The following PHKB variants were observed in gnomAD, a reference collection of about 807,000 sequenced individuals.
PHKB encodes the protein phosphorylase kinase regulatory subunit beta, also known as phosphorylase b kinase regulatory subunit beta.
In PHKB, 122 loss-of-function variants were observed where a neutral mutation model predicts 152.1. That is an observed-to-expected ratio of 0.80 (90% CI 0.69 to 0.93). PHKB has a LOEUF of 0.93. PHKB is among the 40% of genes least tolerant of loss of function. The pLI, the probability that PHKB is intolerant of heterozygous loss-of-function variation, is 0.00. For synonymous variants in PHKB, 436 were observed against 464.9 expected (o/e 0.94, Z 0.80); for missense variants, 1,304 against 1,328.4 (o/e 0.98, Z 0.29).
intron 7 of PHKB, among the ~76,000 whole-genome samples, chr16:47,569,605 A>C (rs1250087647): frequency 6.6e-6 from 1 of 151,996 alleles, no homozygotes; most frequent in Non-Finnish European, 1.5e-5. Context: ...AAGCCCTTTC[A>C]TTTATGTATG....
intron 9 of PHKB, among the ~76,000 whole-genome samples, chr16:47,588,604 A>G (rs1167646456): frequency 6.6e-6 from 1 of 152,138 alleles, no homozygotes; most frequent in East Asian, 1.9e-4. Context: ...TTTCATTATT[A>G]TAAGCAAATT....
chr16:47,527,073 A>G (rs757601737), intron 6 of PHKB, among the ~76,000 whole-genome samples: 1 of 152,258 alleles, frequency 6.6e-6, no homozygotes, highest in Non-Finnish European at 1.5e-5. Flanking sequence ...GGAAAGCACT[A>G]AGGGGATGGT....
Position 47,580,322 on chromosome 16 carries a change from A to G in PHKB, c.738A>G (p.Leu246=). The G allele has an allele frequency of 6.2e-7, 1 of 1,613,020 alleles. No homozygotes were observed. The highest frequency in any genetic ancestry group is 1.1e-5 in the South Asian group (1 of 91,046). Reference sequence around the variant, plus strand: ...CGGTTGGTTTAGCAAAAGCAGCTCTAGAAGCAATTAATGGATTCAACCTTT... The same window carrying G: ...CGGTTGGTTTAGCAAAAGCAGCTCTGGAAGCAATTAATGGATTCAACCTTT... ...SSSVGLAKAA[L]EAINGFNLFG... is the part of the protein sequence containing the mutation. The change falls in exon 8 of 31, where the codon CTA becomes CTG. Residue 246 remains leucine (L), a synonymous_variant. Transcript: ENST00000323584.
intron 20 of PHKB, among the ~76,000 whole-genome samples, chr16:47,659,879 T>C (rs551101119): frequency 6.6e-6 from 1 of 152,354 alleles, no homozygotes; most frequent in Admixed American, 6.5e-5. Flanking sequence ...TTTATTTATT[T>C]TTTGAGACGG....
chr16:47,660,966 G>A (rs1181291447), intron 22 of PHKB, 147 bp downstream of exon 22: 1 of 799,658 alleles, frequency 1.3e-6, no homozygotes, highest in East Asian at 2.6e-5. Context: ...GGGCAATCAT[G>A]AGAAGTTGTT....
At chr16:47,540,469 C>G (rs1328036828) in intron 6 of PHKB, among the ~76,000 whole-genome samples, 1 of 152,082 alleles carries the variant, frequency 6.6e-6, no homozygotes, top group African/African-American at 2.4e-5. Flanking sequence ...ACTCCCTGTT[C>G]TTGCACCACC....
At chr16:47,615,147 C>G (rs1364913521) in intron 14 of PHKB, among the ~76,000 whole-genome samples, 1 of 152,176 alleles carries the variant, frequency 6.6e-6, no homozygotes, top group Non-Finnish European at 1.5e-5. Context: ...TGTCCTAAGT[C>G]TCCTTATGCC....
Position 47,699,442 on chromosome 16 carries a change from G to C in PHKB, c.*76G>C, listed in dbSNP as rs879127649. The C allele has an allele frequency of 1.8e-5, 28 of 1,557,412 alleles. No individual in the cohort carries two copies. The highest frequency in any genetic ancestry group is 1.4e-5 in the African/African-American group (1 of 73,918). On this transcript the variant is annotated 3_prime_UTR_variant, in exon 31 of 31. Transcript: ENST00000323584. ...TGTTTCATGTTCAAGCTTAATCAAG[G>C]CAGCCATTAATATACGAACTGAGCA...
At chr16:47,470,225 C>T (rs1204092743) in intron 1 of PHKB, among the ~76,000 whole-genome samples, 1 of 152,208 alleles carries the variant, frequency 6.6e-6, no homozygotes, top group Non-Finnish European at 1.5e-5. Flanking sequence ...TATTTATTCA[C>T]AGCAAGCCAG....
At chr16:47,566,936 G>T (rs947436206) in intron 7 of PHKB, 1 of 565,586 alleles carries the variant, frequency 1.8e-6, no homozygotes, top group Non-Finnish European at 3.2e-6. Context: ...TATTGTTGAG[G>T]CTGCCATGTT....
Position 47,689,401 on chromosome 16 carries a change from T to C in PHKB, c.2765+226T>C, listed in dbSNP as rs1373530063. 2.6e-5 allele frequency among the ~76,000 whole-genome samples: 4 copies of C among 152,338 alleles called. No homozygotes were observed. In the East Asian group the frequency reaches 7.7e-4, roughly 29 times the overall value. The stretch of plus-strand genomic sequence containing the variant: ...TGAATTTTATGCTTTTTTTCCAGTA[T>C]AGTTTATAAGCATTTCTTCATTTTT... On this transcript the variant is annotated intron_variant, in intron 27 of 30. Coordinates refer to ENST00000323584, the MANE Select transcript of PHKB (RefSeq NM_000293.3).
At chr16:47,582,531 T>TA (rs111981886) in intron 8 of PHKB, among the ~76,000 whole-genome samples, 94 of 152,178 alleles carry the variant, frequency 6.2e-4, no homozygotes, top group African/African-American at 2.1e-3. Flanking sequence ...TTTGAGGAAT[T>TA]AAAAAAAATA....
chr16:47,588,760 A>G (rs1285735851), intron 9 of PHKB, 145 bp from the exon 10 acceptor site: 15 of 715,386 alleles, frequency 2.1e-5, no homozygotes, highest in African/African-American at 3.5e-5. Flanking sequence ...AACATGCCAT[A>G]GAAACATCTG....
chr16:47,621,977 A>G (rs972564399), intron 14 of PHKB, among the ~76,000 whole-genome samples: 2 of 152,208 alleles, frequency 1.3e-5, no homozygotes, highest in Non-Finnish European at 2.9e-5. Flanking sequence ...AACCCATTTA[A>G]CCTATTAAAA....
chr16:47,649,194 A>T lies in PHKB; in HGVS notation c.1787A>T (p.Asp596Val). ...TCTCAGGATGTTTTCCTGCTGATAGATGACATAAAGGTAGCTTCGGAACAC... is the reference window on the plus strand; with the variant it reads ...TCTCAGGATGTTTTCCTGCTGATAGTTGACATAAAGGTAGCTTCGGAACAC... ...YMSQDVFLLI[D>V]DIKNALQFIK... Residue 596 changes from aspartate (D) to valine (V), a missense_variant, in exon 18 of 31, where the codon GAT (aspartate) becomes GTT (valine). Asp to Val is a radical substitution (Grantham distance 152). Coordinates refer to ENST00000323584, the MANE Select transcript of PHKB (RefSeq NM_000293.3). 6.4e-7 allele frequency: 1 copy of T among 1,569,650 alleles called. No individual in the cohort carries two copies. Among genetic ancestry groups the T allele is most frequent in the South Asian group, 1.1e-5 (1 of 90,212 alleles).
At chr16:47,622,839 A>G (rs1486243410) in intron 14 of PHKB, among the ~76,000 whole-genome samples, 1 of 152,212 alleles carries the variant, frequency 6.6e-6, no homozygotes, top group East Asian at 1.9e-4. Flanking sequence ...CTAAAAACAT[A>G]TAGTACACTT....
At chr16:47,502,005 A>G in intron 3 of PHKB, among the ~76,000 whole-genome samples, 1 of 152,318 alleles carries the variant, frequency 6.6e-6, no homozygotes, top group Non-Finnish European at 1.5e-5. Flanking sequence ...GCTAATGATG[A>G]ATAACTTACT....
intron 7 of PHKB, among the ~76,000 whole-genome samples, chr16:47,569,765 G>T (rs1048494558): frequency 1.3e-5 from 2 of 152,064 alleles, no homozygotes; most frequent in African/African-American, 4.8e-5. Context: ...GGACTTACAG[G>T]TGCACGCCAC....
chr16:47,627,280 T>G (rs571946723), intron 14 of PHKB, among the ~76,000 whole-genome samples: 12 of 152,222 alleles, frequency 7.9e-5, no homozygotes, highest in Non-Finnish European at 1.5e-4. Context: ...ACACCGTAGG[T>G]CAGAGTTTCT....
Sources: allele counts gnomAD v4.1 joint callset (sites outside exome capture counted in the v4.1 genomes callset), GRCh38; gene constraint gnomAD v4.1.1; transcripts MANE v1.5; gene names NCBI Gene and HGNC (gene_info 2026-07-23, HGNC 2026-07-21).